TBC1D5: variants seen among roughly 807,000 people sequenced by gnomAD.
TBC1D5 encodes the protein TBC1 domain family, member 5.
TBC1D5 carries 75 observed loss-of-function variants against 100.3 expected under a neutral mutation model. The observed-to-expected ratio is 0.75, with a 90% CI of 0.62 to 0.91. The LOEUF is 0.91. Among genes scored for constraint, TBC1D5 ranks in the 40% least tolerant of loss-of-function variants. TBC1D5 has a pLI of 0.00. For synonymous variants in TBC1D5, 323 were observed against 325.6 expected, an observed-to-expected ratio of 0.99 and a Z score of 0.09; for missense variants, 910 against 942.4, an observed-to-expected ratio of 0.97 and a Z score of 0.45.
intron 1 of TBC1D5, among the ~76,000 whole-genome samples, chr3:17,687,140 T>G (rs1233896104): frequency 6.6e-6 from 1 of 152,294 alleles, no homozygotes; most frequent in African/African-American, 2.4e-5. Context: ...AAAAACTATC[T>G]TATTTTTTCA....
chr3:17,579,892 A>G (rs1055906613), intron 2 of TBC1D5, among the ~76,000 whole-genome samples: 2 of 152,158 alleles, frequency 1.3e-5, no homozygotes, highest in Non-Finnish European at 2.9e-5. Flanking sequence ...CAGAGATCAC[A>G]TTATACCAAT....
chr3:17,301,337 T>G (rs2082810916), intron 14 of TBC1D5, among the ~76,000 whole-genome samples: 1 of 152,236 alleles, frequency 6.6e-6, no homozygotes, highest in Non-Finnish European at 1.5e-5. Context: ...AGGCCATGCT[T>G]TCTTTGAAGA....
chr3:17,652,952 C>A (rs893416187), intron 1 of TBC1D5, among the ~76,000 whole-genome samples: 4 of 152,126 alleles, frequency 2.6e-5, no homozygotes, highest in African/African-American at 9.7e-5. Context: ...ATATATACAA[C>A]GACATATTGT....
At chr3:17,475,059 G>C (rs1315292875) in intron 3 of TBC1D5, among the ~76,000 whole-genome samples, 2 of 151,922 alleles carry the variant, frequency 1.3e-5, no homozygotes, top group Admixed American at 1.3e-4. Flanking sequence ...TATGTCCTTT[G>C]GTCATTTTTC....
chr3:17,471,627 C>G (rs1428368707), intron 3 of TBC1D5, among the ~76,000 whole-genome samples: 1 of 120,540 alleles, frequency 8.3e-6, no homozygotes, highest in Non-Finnish European at 1.6e-5. Context: ...GCCGAGATTG[C>G]GCCACTGCAC....
intron 14 of TBC1D5, among the ~76,000 whole-genome samples, chr3:17,302,813 T>C (rs1044874663): frequency 3.3e-5 from 5 of 152,170 alleles, no homozygotes; most frequent in Non-Finnish European, 7.3e-5. Context: ...AAAGAACATA[T>C]GTAATGCTCA....
chr3:17,566,983 T>C (rs1214440719), intron 2 of TBC1D5, among the ~76,000 whole-genome samples: 1 of 151,798 alleles, frequency 6.6e-6, no homozygotes, highest in African/African-American at 2.4e-5. Context: ...CACCATCTTA[T>C]TATTTTCCTA....
chr3:17,251,060 T>C (rs2077126710), intron 16 of TBC1D5, among the ~76,000 whole-genome samples: 1 of 152,210 alleles, frequency 6.6e-6, no homozygotes. Flanking sequence ...TAAAAGTGCC[T>C]GTATTTCCTT....
chr3:17,272,057 C>T (rs2079482378), intron 15 of TBC1D5, among the ~76,000 whole-genome samples: 1 of 151,136 alleles, frequency 6.6e-6, no homozygotes, highest in Non-Finnish European at 1.5e-5. Flanking sequence ...GATGAATAGG[C>T]ATTTACAACA....
chr3:17,512,864 C>T (rs1364530643), intron 2 of TBC1D5, among the ~76,000 whole-genome samples: 1 of 152,144 alleles, frequency 6.6e-6, no homozygotes, highest in Non-Finnish European at 1.5e-5. Context: ...GATATTTGTA[C>T]TGGTTTCACA....
intron 1 of TBC1D5, among the ~76,000 whole-genome samples, chr3:17,628,678 C>T (rs2063261788): frequency 6.6e-6 from 1 of 152,156 alleles, no homozygotes; most frequent in South Asian, 2.1e-4. Flanking sequence ...ATAATCTTTA[C>T]CATCATATGC....
At chr3:17,216,713 G>T (rs1464280905) in intron 17 of TBC1D5, among the ~76,000 whole-genome samples, 1 of 151,924 alleles carries the variant, frequency 6.6e-6, no homozygotes, top group Non-Finnish European at 1.5e-5. Context: ...ACTTCCCAGG[G>T]ATACTTTTTC....
intron 1 of TBC1D5, among the ~76,000 whole-genome samples, chr3:17,738,080 G>GCCCT (rs2077100425): frequency 1.3e-5 from 2 of 152,172 alleles, no homozygotes; most frequent in Non-Finnish European, 2.9e-5. Context: ...CATCACCAAA[G>GCCCT]ACATGTTTTT....
intron 1 of TBC1D5, among the ~76,000 whole-genome samples, chr3:17,634,052 T>G (rs948776629): frequency 6.6e-6 from 1 of 152,186 alleles, no homozygotes; most frequent in Non-Finnish European, 1.5e-5. Context: ...CTTATAGTTA[T>G]AGCCAAAAGA....
At chr3:17,658,253 C>G (rs954570138) in intron 1 of TBC1D5, among the ~76,000 whole-genome samples, 3 of 152,208 alleles carry the variant, frequency 2.0e-5, no homozygotes, top group Non-Finnish European at 4.4e-5. Context: ...TATCCATTAA[C>G]TCCATTCATT....
intron 15 of TBC1D5, among the ~76,000 whole-genome samples, chr3:17,278,778 A>C (rs1461215626): frequency 6.6e-6 from 1 of 152,238 alleles, no homozygotes; most frequent in African/African-American, 2.4e-5. Flanking sequence ...TAAAATTTCT[A>C]TATTCCTTAA....
chr3:17,581,391 ATTC>A (rs2096695515), intron 2 of TBC1D5, among the ~76,000 whole-genome samples: 1 of 152,202 alleles, frequency 6.6e-6, no homozygotes. Flanking sequence ...TCTTTACTGA[ATTC>A]TGGACCAATG....
At chr3:17,364,496 G>A (rs1415224645) in intron 13 of TBC1D5, among the ~76,000 whole-genome samples, 1 of 152,118 alleles carries the variant, frequency 6.6e-6, no homozygotes, top group Non-Finnish European at 1.5e-5. Flanking sequence ...ACTATACAAG[G>A]CTATTCTCTG....
intron 17 of TBC1D5, among the ~76,000 whole-genome samples, chr3:17,220,113 C>T (rs1292047160): frequency 6.6e-6 from 1 of 152,086 alleles, no homozygotes; most frequent in Non-Finnish European, 1.5e-5. Flanking sequence ...CATCAATTAA[C>T]ATTTTAGAAA....
Sources: gnomAD v4.1 joint callset for allele counts (sites outside exome capture counted in the v4.1 genomes callset) on GRCh38, gnomAD v4.1.1 for gene constraint, MANE v1.5 for transcripts, NCBI Gene and HGNC (gene_info 2026-07-23, HGNC 2026-07-21) for gene names.